FHIT: variants seen among roughly 807,000 people sequenced by gnomAD.
The protein encoded by FHIT is fragile histidine triad diadenosine triphosphatase, also known as bis(5'-adenosyl)-triphosphatase.
In FHIT, 19 loss-of-function variants were observed where a neutral mutation model predicts 17.9. The observed-to-expected ratio is 1.06, with a 90% confidence interval of 0.74 to 1.56. The LOEUF (loss-of-function observed/expected upper bound fraction) is 1.56, where lower values mean the gene tolerates loss of function less well. Ranked by LOEUF, FHIT falls within the 40% of genes most tolerant of loss-of-function variation. The pLI, the probability that FHIT is intolerant of heterozygous loss-of-function variation, is 0.00. For synonymous variants in FHIT, 81 were observed against 69.7 expected, an observed-to-expected ratio of 1.16 and a Z score of -0.81; for missense variants, 248 against 189.2, an observed-to-expected ratio of 1.31 and a Z score of -1.82.
intron 5 of FHIT, among the ~76,000 whole-genome samples, chr3:60,360,721 C>G (rs1216679759): frequency 1.3e-5 from 2 of 152,292 alleles, no homozygotes; most frequent in East Asian, 3.9e-4. Flanking sequence ...ATGGCCAAAG[C>G]CAAATTCACA....
At chr3:60,741,228 T>C (rs2042234429) in intron 4 of FHIT, among the ~76,000 whole-genome samples, 1 of 152,216 alleles carries the variant, frequency 6.6e-6, no homozygotes. Context: ...TCAAAATAGC[T>C]AAAGAGTTCC....
At chr3:60,898,023 A>C (rs1553762287) in intron 3 of FHIT, among the ~76,000 whole-genome samples, 1 of 152,198 alleles carries the variant, frequency 6.6e-6, no homozygotes, top group Non-Finnish European at 1.5e-5. Context: ...AGGCAAAAAC[A>C]AATCAAGATG....
chr3:60,924,506 T>C (rs1023652697), intron 3 of FHIT, among the ~76,000 whole-genome samples: 11 of 152,058 alleles, frequency 7.2e-5, no homozygotes, highest in South Asian at 4.1e-4. Context: ...TCCTGACTGT[T>C]AGAAGGAAAA....
chr3:60,818,739 C>G (rs1015465478), intron 4 of FHIT, among the ~76,000 whole-genome samples: 1 of 152,130 alleles, frequency 6.6e-6, no homozygotes, highest in Admixed American at 6.6e-5. Context: ...GGAGCTTCCC[C>G]TCTCTGCCTC....
At chr3:59,919,848 G>A (rs575259153) in intron 8 of FHIT, among the ~76,000 whole-genome samples, 1 of 152,312 alleles carries the variant, frequency 6.6e-6, no homozygotes, top group Admixed American at 6.5e-5. Flanking sequence ...TTCTGATTAA[G>A]ATCATTTGGT....
At chr3:60,313,961 G>A (rs1338482737) in intron 5 of FHIT, among the ~76,000 whole-genome samples, 1 of 152,214 alleles carries the variant, frequency 6.6e-6, no homozygotes, top group African/African-American at 2.4e-5. Flanking sequence ...GACTGTTGGT[G>A]CACTGGCGTT....
intron 5 of FHIT, among the ~76,000 whole-genome samples, chr3:60,248,466 T>C (rs1437859790): frequency 1.3e-5 from 2 of 152,144 alleles, no homozygotes; most frequent in Non-Finnish European, 2.9e-5. Context: ...GAATGATTCT[T>C]GGCTTTATTC....
At chr3:60,679,533 T>C (rs1281082540) in intron 4 of FHIT, among the ~76,000 whole-genome samples, 2 of 152,146 alleles carry the variant, frequency 1.3e-5, no homozygotes, top group Non-Finnish European at 2.9e-5. Context: ...TTTTCCCATA[T>C]TATTAGATAT....
intron 2 of FHIT, among the ~76,000 whole-genome samples, chr3:61,043,172 G>C (rs998563308): frequency 6.6e-6 from 1 of 152,224 alleles, no homozygotes; most frequent in Non-Finnish European, 1.5e-5. Context: ...CACCCAGGCA[G>C]TGCAAGGGGT....
At chr3:60,666,783 C>T (rs781873290) in intron 4 of FHIT, among the ~76,000 whole-genome samples, 4 of 152,124 alleles carry the variant, frequency 2.6e-5, no homozygotes, top group Non-Finnish European at 5.9e-5. Flanking sequence ...AGAAATCCTC[C>T]TGCCTCAGCC....
intron 8 of FHIT, among the ~76,000 whole-genome samples, chr3:59,801,128 C>T (rs1699976895): frequency 1.3e-5 from 2 of 152,158 alleles, no homozygotes; most frequent in Admixed American, 1.3e-4. Flanking sequence ...TATGATGACC[C>T]AACATTTATT....
At position 60,811,788 on chromosome 3, in the gene FHIT, A is replaced by C. The variant is rs538445278; in HGVS notation, c.-18+10131T>G. On this transcript the variant is annotated intron_variant, in intron 4 of 9. Coordinates refer to ENST00000492590, the MANE Select transcript of FHIT (RefSeq NM_002012.4). ...TTAGCCTTCTAGTTACGAGGAAAAA[A>C]TATGGAAGCTTCAGGGTCCTTATTT... Among the ~76,000 whole-genome samples, 60 of 152,312 alleles carry C rather than the reference A, an allele frequency of 3.9e-4. 1 individual carries two copies. Among genetic ancestry groups the C allele is most frequent in the African/African-American group, 1.4e-3 (60 of 41,574 alleles).
chr3:60,123,637 A>G (rs1705358429), intron 5 of FHIT, among the ~76,000 whole-genome samples: 1 of 152,086 alleles, frequency 6.6e-6, no homozygotes, highest in African/African-American at 2.4e-5. Context: ...TGATTTTCAA[A>G]TGATGAGTAG....
rs72889109 is a variant in FHIT, at chr3:60,871,685, G to C, written c.-110-49674C>G. Among the ~76,000 whole-genome samples, 1,405 of 152,140 alleles carry C rather than the reference G, an allele frequency of 9.2e-3. 27 individuals are homozygous for C. The highest frequency in any genetic ancestry group is 0.031 in the African/African-American group (1,307 of 41,508). On this transcript the variant is annotated intron_variant, in intron 3 of 9. Transcript: ENST00000492590. ...GTCTTGCTCTGTCACTTAAGCTAGAGTGCAATGGCACAATCATGGCTCAAT... is the reference window on the plus strand; with the variant it reads ...GTCTTGCTCTGTCACTTAAGCTAGACTGCAATGGCACAATCATGGCTCAAT...
chr3:60,745,620 A>G (rs1323895089), intron 4 of FHIT, among the ~76,000 whole-genome samples: 1 of 152,158 alleles, frequency 6.6e-6, no homozygotes, highest in Non-Finnish European at 1.5e-5. Flanking sequence ...CAAGTAGTCT[A>G]GACCTCCTAG....
intron 5 of FHIT, among the ~76,000 whole-genome samples, chr3:60,403,973 T>A (rs998562628): frequency 1.7e-4 from 26 of 152,148 alleles, no homozygotes; most frequent in Non-Finnish European, 5.9e-5. Context: ...GGACAGAACT[T>A]TGCAAACCCC....
At chr3:60,728,034 A>T (rs929706128) in intron 4 of FHIT, among the ~76,000 whole-genome samples, 1 of 152,216 alleles carries the variant, frequency 6.6e-6, no homozygotes, top group Non-Finnish European at 1.5e-5. Context: ...AAAGGAGCAT[A>T]GTATGTCCAT....
intron 5 of FHIT, among the ~76,000 whole-genome samples, chr3:60,451,876 T>C (rs1023835531): frequency 1.3e-5 from 2 of 152,098 alleles, no homozygotes; most frequent in African/African-American, 4.8e-5. Context: ...GTCCTAACTA[T>C]GAAGATGACT....
chr3:60,236,740 T>C (rs1408864930), intron 5 of FHIT, among the ~76,000 whole-genome samples: 1 of 152,158 alleles, frequency 6.6e-6, no homozygotes, highest in Admixed American at 6.5e-5. Flanking sequence ...TTTGAAAATA[T>C]TCTCACTGTA....
Sources: allele counts gnomAD v4.1 joint callset (sites outside exome capture counted in the v4.1 genomes callset), GRCh38; gene constraint gnomAD v4.1.1; transcripts MANE v1.5; gene names NCBI Gene and HGNC (gene_info 2026-07-23, HGNC 2026-07-21).